CARM1: variants seen among roughly 807,000 people sequenced by gnomAD.
CARM1 encodes the protein histone-arginine methyltransferase CARM1.
A neutral mutation model predicts 72.7 loss-of-function variants in CARM1; 14 were observed. The observed-to-expected ratio is 0.19, with a 90% CI of 0.13 to 0.30. The LOEUF is 0.30. CARM1 is among the 10% of genes least tolerant of loss of function. The pLI is 1.00. For missense variants in CARM1, 432 were observed against 833.7 expected (o/e 0.52, Z 5.93); for synonymous variants, 333 against 345.5 (o/e 0.96, Z 0.40).
intron 1 of CARM1, among the ~76,000 whole-genome samples, chr19:10,899,704 C>G (rs1410964931): frequency 6.6e-6 from 1 of 151,474 alleles, no homozygotes; most frequent in East Asian, 1.9e-4. Flanking sequence ...CAGTTAGGAA[C>G]AGTTTTCTTT....
intron 1 of CARM1, among the ~76,000 whole-genome samples, chr19:10,877,176 T>G (rs1468653861): frequency 1.3e-5 from 2 of 152,090 alleles, no homozygotes; most frequent in Non-Finnish European, 2.9e-5. Context: ...GCCCCATCTT[T>G]AGGACATCTC....
intron 1 of CARM1, among the ~76,000 whole-genome samples, chr19:10,877,488 T>C (rs564641923): frequency 6.6e-6 from 1 of 152,186 alleles, no homozygotes; most frequent in East Asian, 1.9e-4. Flanking sequence ...AATGGCATGG[T>C]CTTGGCTCAC....
At chr19:10,873,468 T>C (rs1197202502) in intron 1 of CARM1, among the ~76,000 whole-genome samples, 2 of 151,376 alleles carry the variant, frequency 1.3e-5, no homozygotes, top group East Asian at 3.9e-4. Flanking sequence ...GACATGTGCC[T>C]GTCCCAGCTA....
intron 4 of CARM1, among the ~76,000 whole-genome samples, chr19:10,909,442 A>C (rs1230591439): frequency 2.6e-5 from 4 of 151,824 alleles, no homozygotes; most frequent in Non-Finnish European, 4.4e-5. Flanking sequence ...TTAAAAAAAA[A>C]CAAATAAACA....
At chr19:10,919,151 CTTTT>C (rs2074220903) in intron 8 of CARM1, 1 of 155,818 alleles carries the variant, frequency 6.4e-6, no homozygotes, top group Non-Finnish European at 1.4e-5. Context: ...CTTTAACTTG[CTTTT>C]TTGGTTAACT....
At chr19:10,887,230 A>G (rs2073948670) in intron 1 of CARM1, among the ~76,000 whole-genome samples, 1 of 152,192 alleles carries the variant, frequency 6.6e-6, no homozygotes, top group Admixed American at 6.5e-5. Flanking sequence ...TGCCTGCCCA[A>G]GGCTTACCCC....
At chr19:10,883,209 G>A (rs1336083912) in intron 1 of CARM1, among the ~76,000 whole-genome samples, 1 of 152,100 alleles carries the variant, frequency 6.6e-6, no homozygotes, top group African/African-American at 2.4e-5. Context: ...TCGAGGATTG[G>A]CCCACACCCA....
intron 1 of CARM1, among the ~76,000 whole-genome samples, chr19:10,890,289 CAG>C (rs1017428140): frequency 5.7e-5 from 8 of 141,094 alleles, no homozygotes; most frequent in African/African-American, 1.8e-4. Context: ...TTTTTTGAGA[CAG>C]AGTTTCGCTC....
At chr19:10,894,922 T>C (rs2074013674) in intron 1 of CARM1, among the ~76,000 whole-genome samples, 1 of 151,974 alleles carries the variant, frequency 6.6e-6, no homozygotes, top group African/African-American at 2.4e-5. Flanking sequence ...TTTATTATTA[T>C]TTGTAGAAGA....
At chr19:10,898,707 C>T (rs1392976247) in intron 1 of CARM1, among the ~76,000 whole-genome samples, 1 of 152,240 alleles carries the variant, frequency 6.6e-6, no homozygotes, top group African/African-American at 2.4e-5. Flanking sequence ...GCCTGTGCGT[C>T]CCGGGCCCCA....
At chr19:10,921,342 T>A in intron 14 of CARM1, 33 bp from the exon 15 acceptor site, 2 of 1,608,818 alleles carry the variant, frequency 1.2e-6, no homozygotes, top group Non-Finnish European at 1.7e-6. Context: ...TGACGCCGTC[T>A]CCCTTCCTTC....
Position 10,908,077 on chromosome 19 carries a change from G to T in CARM1, c.385G>T (p.Gly129Cys). 4 of 1,614,024 alleles carry T rather than the reference G, an allele frequency of 2.5e-6. No individual in the cohort carries two copies. Among genetic ancestry groups the T allele is most frequent in the Non-Finnish European group, 3.4e-6 (4 of 1,179,964 alleles). ...CTACAACATCCTGAAAACCTGCCGG[G>T]GCCACACCCTGGAGCGGTCTGTGTT... Reference protein sequence around the residue: ...SFYNILKTCRGHTLERSVFSE... With the variant: ...SFYNILKTCRCHTLERSVFSE... The change falls in exon 3 of 16, where the codon GGC becomes TGC. Residue 129 changes from glycine (G) to cysteine (C), a missense_variant. Physicochemically the swap from Gly to Cys is radical, Grantham distance 159. Around this residue, in one of 3 missense-constraint regions of CARM1, gnomAD observed 138 missense variants for 192.3 expected, o/e 0.72. Coordinates refer to ENST00000327064, the MANE Select transcript of CARM1 (RefSeq NM_199141.2).
intron 1 of CARM1, among the ~76,000 whole-genome samples, chr19:10,876,192 A>G (rs2073863316): frequency 6.6e-6 from 1 of 151,824 alleles, no homozygotes; most frequent in South Asian, 2.1e-4. Context: ...CATATGGCTA[A>G]TTTTTAAGTT....
intron 1 of CARM1, among the ~76,000 whole-genome samples, chr19:10,898,528 T>G (rs1020327208): frequency 1.3e-5 from 2 of 152,230 alleles, no homozygotes; most frequent in African/African-American, 4.8e-5. Flanking sequence ...CAGAGGGCCT[T>G]TCTGAATCCT....
intron 8 of CARM1, among the ~76,000 whole-genome samples, chr19:10,918,108 G>A (rs2074212890): frequency 6.6e-6 from 1 of 152,150 alleles, no homozygotes. Flanking sequence ...TGATGAGGGT[G>A]CCTTGGAAGA....
At chr19:10,882,906 C>T (rs1447778948) in intron 1 of CARM1, among the ~76,000 whole-genome samples, 1 of 152,068 alleles carries the variant, frequency 6.6e-6, no homozygotes, top group Admixed American at 6.6e-5. Context: ...GGGAAGTGGT[C>T]TAGGGAGCAC....
chr19:10,874,072 G>T (rs569948645), intron 1 of CARM1, among the ~76,000 whole-genome samples: 1 of 152,172 alleles, frequency 6.6e-6, no homozygotes, highest in Non-Finnish European at 1.5e-5. Flanking sequence ...AGTATTACTT[G>T]TTATTAAGAC....
rs540034038 is a variant in CARM1 at position 10,886,318 on chromosome 19, C to T, written c.220+14396C>T. On this transcript the variant is annotated intron_variant, in intron 1 of 15. Transcript: ENST00000327064. ...TGATCCACCCGCCTCAGCCTCCCAG[C>T]CTGTAGCTGGGATTACAGGCGTGAG... Among the ~76,000 whole-genome samples, 14 of 151,916 alleles carry T rather than the reference C, an allele frequency of 9.2e-5. No individual in the cohort carries two copies. The East Asian group carries it at 2.7e-3, about 30-fold the overall frequency.
chr19:10,908,008 G>A (rs189637304), intron 2 of CARM1, 31 bp from the exon 3 acceptor site: 31 of 1,453,330 alleles, frequency 2.1e-5, no homozygotes, highest in Middle Eastern at 1.7e-4. Flanking sequence ...GTTGCTGACC[G>A]CCCCCCGGTG....
Sources: allele counts gnomAD v4.1 joint callset (sites outside exome capture counted in the v4.1 genomes callset), GRCh38; gene constraint gnomAD v4.1.1; regional missense constraint gnomAD v4.1.1; transcripts MANE v1.5; gene names NCBI Gene and HGNC (gene_info 2026-07-23, HGNC 2026-07-21).